The following NBN variants were observed in gnomAD, a reference collection of about 807,000 sequenced individuals.
NBN encodes Nijmegen breakage syndrome 1 (nibrin).
Under a neutral mutation model 90.8 loss-of-function variants are expected in NBN, and 88 were observed. The ratio of observed to expected loss-of-function variants is 0.97; its 90% CI spans 0.82 to 1.16. NBN has a LOEUF of 1.16. NBN is among the 50% of genes most tolerant of loss of function. NBN has a pLI of 0.00. For synonymous variants in NBN, 328 were observed against 295.1 expected, an observed-to-expected ratio of 1.11 and a Z score of -1.14; for missense variants, 894 against 869.6, an observed-to-expected ratio of 1.03 and a Z score of -0.35.
rs1811504066 is a variant in NBN, at chr8:89,971,239, C to G, written c.636G>C (p.Leu212=). The G allele has an allele frequency of 6.2e-7, 1 of 1,613,292 alleles. No homozygotes were observed. The highest frequency in any genetic ancestry group is 1.3e-5 in the African/African-American group (1 of 74,996). Residue 212 remains leucine, a synonymous_variant, in exon 6 of 16, where the codon CTG becomes CTC. Coordinates refer to ENST00000265433, the MANE Select transcript of NBN (RefSeq NM_002485.5). ...EPSIGSKNVD[L]SGRQERKQIF... is the part of the protein sequence containing the mutation. ...TTTGTTTTCTTTCCTGCCGTCCTGA[C>G]AGATCAACATTTTTACTTCCAATAG...
chr8:89,955,634 G>A, intron 9 of NBN, 79 bp from the exon 10 acceptor site: 1 of 1,431,268 alleles, frequency 7.0e-7, no homozygotes, highest in Admixed American at 2.0e-5. Context: ...TCGTTAAATA[G>A]TTCTAACGTA....
In NBN at chr8:89,980,746, T is replaced by G. The variant is rs730881858; in HGVS notation, c.468A>C (p.Lys156Asn). 2.7e-5 allele frequency: 44 copies of G among 1,612,142 alleles called. 1 individual carries two copies. The Admixed American group carries it at 7.2e-4, about 26-fold the overall frequency. The change falls in exon 4 of 16, where the codon AAA becomes AAC. Residue 156 changes from lysine to asparagine, a missense_variant. Physicochemically the swap from Lys to Asn is moderately conservative, Grantham distance 94 (BLOSUM62 0). Transcript: ENST00000265433. ...ACATTCAACCTACTTTAATGGTAAC[T>G]TTCACTGATACCATGACAAGGTGAG... ...ECTHLVMVSV[K>N]VTIKTICALI...
At chr8:89,971,354 G>C (rs570334299) in intron 5 of NBN, 64 bp from the exon 6 acceptor site, 39 of 1,523,762 alleles carry the variant, frequency 2.6e-5, no homozygotes, top group Non-Finnish European at 3.3e-5. Flanking sequence ...AATTGTAAAC[G>C]GAGTGACTAT....
rs747027298 is a variant in NBN, at chr8:89,953,606, G to A, written c.1483C>T (p.Pro495Ser). The change falls in exon 11 of 16, where the codon CCT (proline) becomes TCT (serine). Residue 495 changes from proline to serine, a missense_variant. By Grantham distance (74) the Pro-to-Ser change is moderately conservative. Transcript: ENST00000265433. ...TTTTTCCACAATGAGGGTGTAGCAG[G>A]TTGTGTTTGTTCTAAAAGAGAACAA... Reference protein sequence around the residue: ...TSCSLLEQTQPATPSLWKNKE... With the variant: ...TSCSLLEQTQSATPSLWKNKE... 2 of 1,613,306 alleles carry A rather than the reference G, an allele frequency of 1.2e-6. No individual in the cohort carries two copies. Among genetic ancestry groups the A allele is most frequent in the Non-Finnish European group, 1.7e-6 (2 of 1,179,590 alleles).
chr8:89,971,748 G>A (rs1811527478), intron 5 of NBN, among the ~76,000 whole-genome samples: 1 of 152,232 alleles, frequency 6.6e-6, no homozygotes, highest in Middle Eastern at 3.4e-3. Flanking sequence ...TCTCTTTGGA[G>A]AAGTTCAGGA....
At chr8:89,944,583 C>T (rs1367881726) in intron 13 of NBN, among the ~76,000 whole-genome samples, 1 of 152,064 alleles carries the variant, frequency 6.6e-6, no homozygotes, top group African/African-American at 2.4e-5. Context: ...TTCACCAACC[C>T]GCAAGTTGAC....
chr8:89,935,078 T>C lies in NBN; in HGVS notation c.*504A>G, dbSNP rs3780123. On this transcript the variant is annotated 3_prime_UTR_variant, in exon 16 of 16. Transcript: ENST00000265433. ...GGAAAAGAAAAAATATTAAAAACAT[T>C]ATATTGATATTCCTATAATTTTTAA... is the stretch of plus-strand genomic sequence containing the variant. 1.6e-3 allele frequency: 364 copies of C among 234,244 alleles called. 3 individuals carry two copies. The East Asian group carries it at 0.022, about 14-fold the overall frequency. 14.5% of individuals were successfully genotyped at this position (234,244 alleles called of 1,614,324 possible).
Position 89,934,346 on chromosome 8 carries a change from T to C in NBN, c.*1236A>G, listed in dbSNP as rs1278385831. ...ATCTAACTGGTCTCAATGCCTGTAG[T>C]AGAAATTGCAGATTGGCTCACCCAA... On this transcript the variant is annotated 3_prime_UTR_variant, in exon 16 of 16. Transcript: ENST00000265433. The C allele has an allele frequency of 4.3e-6, 1 of 232,896 alleles. No homozygotes were observed. Among genetic ancestry groups the C allele is most frequent in the Non-Finnish European group, 8.5e-6 (1 of 117,890 alleles). The allele number at this position is 232,896 out of a possible 1,614,324, so 14.4% of individuals were successfully genotyped here. A position where few individuals can be genotyped will look rare whatever the true frequency, so the allele number is the denominator to read the frequency against.
chr8:89,943,710 A>G (rs1668989177), intron 13 of NBN, among the ~76,000 whole-genome samples: 1 of 152,172 alleles, frequency 6.6e-6, no homozygotes, highest in African/African-American at 2.4e-5. Flanking sequence ...AAAGCACTGT[A>G]TTTTGTTCTA....
At chr8:89,983,555 G>A (rs1812176313) in intron 1 of NBN, among the ~76,000 whole-genome samples, 1 of 152,278 alleles carries the variant, frequency 6.6e-6, no homozygotes, top group South Asian at 2.1e-4. Context: ...ACAGACCAAT[G>A]CAACAAAGTC....
Position 89,953,700 on chromosome 8 carries a change from T to A in NBN, c.1398-9A>T, listed in dbSNP as rs773093849. On this transcript the variant is annotated splice_polypyrimidine_tract_variant and intron_variant, in intron 10 of 15. Transcript: ENST00000265433. ...TTTCTTCATCCCTTTCCCTTAGATTTAAAAAAAAAGAAGAAAACAAAACAA... is the reference window on the plus strand; with the variant it reads ...TTTCTTCATCCCTTTCCCTTAGATTAAAAAAAAAAGAAGAAAACAAAACAA... The A allele has an allele frequency of 1.6e-5, 25 of 1,582,040 alleles. No individual in the cohort carries two copies. Among genetic ancestry groups the A allele is most frequent in the Non-Finnish European group, 2.1e-5 (24 of 1,160,862 alleles).
At chr8:89,984,258 AGGGAGGGGGAGTCAG>A in intron 1 of NBN, 1 of 564,568 alleles carries the variant, frequency 1.8e-6, no homozygotes, top group Non-Finnish European at 3.2e-6. Context: ...TGAGGCTGGG[AGGGAGGGGGAGTCAG>A]GGGAGGGGCG....
At chr8:89,948,327 T>C (rs1379893272) in intron 11 of NBN, among the ~76,000 whole-genome samples, 6 of 152,226 alleles carry the variant, frequency 3.9e-5, no homozygotes, top group Non-Finnish European at 8.8e-5. Flanking sequence ...ATTTTCTACA[T>C]GTCTGTACGA....
At chr8:89,947,501 T>A (rs975781343) in intron 12 of NBN, among the ~76,000 whole-genome samples, 1 of 151,996 alleles carries the variant, frequency 6.6e-6, no homozygotes, top group Non-Finnish European at 1.5e-5. Context: ...TGGTGGCACA[T>A]GCCTGTAGTC....
rs528259714 is a variant in NBN at position 89,959,680 on chromosome 8, G to C, written c.995-826C>G. Among the ~76,000 whole-genome samples, 7 of 152,326 alleles carry C rather than the reference G, an allele frequency of 4.6e-5. No individual in the cohort carries two copies. In the South Asian group the frequency reaches 1.4e-3, roughly 32 times the overall value. ...AAAGTGGGAGGATCACTTGAGCCCA[G>C]GAGGTCAAGGCTGCAGTGAGCAGTG... On this transcript the variant is annotated intron_variant, in intron 8 of 15. Transcript: ENST00000265433.
chr8:89,940,638 A>AG (rs398008714), intron 14 of NBN, among the ~76,000 whole-genome samples: 2 of 151,562 alleles, frequency 1.3e-5, no homozygotes, highest in African/African-American at 4.9e-5. Flanking sequence ...AAAAAAAAAA[A>AG]GGGATATTGG....
chr8:89,978,911 CA>C (rs886099148), intron 4 of NBN, among the ~76,000 whole-genome samples: 37 of 152,206 alleles, frequency 2.4e-4, no homozygotes, highest in African/African-American at 8.7e-4. Flanking sequence ...ATGATACATC[CA>C]AAAAATATGA....
intron 9 of NBN, among the ~76,000 whole-genome samples, chr8:89,956,374 A>G (rs1483533638): frequency 6.6e-6 from 1 of 152,104 alleles, no homozygotes; most frequent in Non-Finnish European, 1.5e-5. Flanking sequence ...TCATTATGTC[A>G]TATTTAAAAT....
chr8:89,947,836 A>G lies in NBN; in HGVS notation c.1902T>C (p.Ala634=), dbSNP rs876660052. ...RELKEDSLWS[A]KEISNNDKLQ... ...AAACGTTTCTCACAGATATTTCTTT[A>G]GCTGACCATAGTGAGTCTTCCTTGA... The change falls in exon 12 of 16, where the codon GCT becomes GCC. Residue 634 remains alanine, a synonymous_variant. Coordinates refer to ENST00000265433, the MANE Select transcript of NBN (RefSeq NM_002485.5). The G allele has an allele frequency of 6.4e-7, 1 of 1,573,790 alleles. No individual in the cohort carries two copies. Among genetic ancestry groups the G allele is most frequent in the Non-Finnish European group, 8.7e-7 (1 of 1,147,764 alleles).
Sources: allele counts gnomAD v4.1 joint callset (sites outside exome capture counted in the v4.1 genomes callset), GRCh38; gene constraint gnomAD v4.1.1; transcripts MANE v1.5; gene names NCBI Gene and HGNC (gene_info 2026-07-23, HGNC 2026-07-21).